The following RAB3C variants were observed in gnomAD, a reference collection of about 807,000 sequenced individuals.
The protein encoded by RAB3C is ras-related protein Rab-3C.
Under a neutral mutation model 26.4 loss-of-function variants are expected in RAB3C, and 17 were observed. That is an observed-to-expected ratio of 0.64 (90% CI 0.44 to 0.97). The LOEUF (loss-of-function observed/expected upper bound fraction) is 0.97. Among genes scored for constraint, RAB3C ranks in the 50% least tolerant of loss-of-function variants. The pLI is 0.00. For missense variants in RAB3C, 242 were observed against 281.9 expected (o/e 0.86, Z 1.01); for synonymous variants, 91 against 95.9 (o/e 0.95, Z 0.30).
intron 2 of RAB3C, among the ~76,000 whole-genome samples, chr5:58,683,248 T>C (rs568059920): frequency 1.3e-5 from 2 of 152,374 alleles, no homozygotes; most frequent in African/African-American, 4.8e-5. Context: ...TTTATAAGTT[T>C]TAAAGCTTGA....
intron 1 of RAB3C, among the ~76,000 whole-genome samples, chr5:58,596,737 TAAATATATAATACATA>T: frequency 1.2e-5 from 1 of 82,986 alleles, no homozygotes; most frequent in African/African-American, 5.5e-5. Flanking sequence ...ACATAATATA[TAAATATATAATACATA>T]ATATATAAAT....
chr5:58,777,068 T>A (rs907444917), intron 3 of RAB3C, among the ~76,000 whole-genome samples: 1 of 152,200 alleles, frequency 6.6e-6, no homozygotes, highest in African/African-American at 2.4e-5. Context: ...AATAGAAACC[T>A]GAGGATAACC....
At chr5:58,633,110 T>A (rs1747219503) in intron 2 of RAB3C, among the ~76,000 whole-genome samples, 1 of 152,198 alleles carries the variant, frequency 6.6e-6, no homozygotes, top group Non-Finnish European at 1.5e-5. Flanking sequence ...AAGGAAGGCA[T>A]ATGGAAAATT....
chr5:58,603,340 T>G (rs1199892240), intron 1 of RAB3C, among the ~76,000 whole-genome samples: 1 of 152,218 alleles, frequency 6.6e-6, no homozygotes, highest in Admixed American at 6.5e-5. Flanking sequence ...CTTGCGCTTC[T>G]TGTATTTGAA....
intron 3 of RAB3C, among the ~76,000 whole-genome samples, chr5:58,793,188 A>G (rs1240780703): frequency 2.0e-5 from 3 of 152,164 alleles, no homozygotes; most frequent in African/African-American, 7.2e-5. Context: ...TGAACTGTAC[A>G]GCCTGTGGAT....
At chr5:58,779,667 C>T (rs923867890) in intron 3 of RAB3C, among the ~76,000 whole-genome samples, 2 of 152,168 alleles carry the variant, frequency 1.3e-5, no homozygotes, top group East Asian at 1.9e-4. Flanking sequence ...GGATTACAGA[C>T]ATGAACCACT....
chr5:58,783,157 G>C (rs1742306971), intron 3 of RAB3C, among the ~76,000 whole-genome samples: 1 of 151,986 alleles, frequency 6.6e-6, no homozygotes, highest in Non-Finnish European at 1.5e-5. Context: ...AATTTAGTGA[G>C]AGCTCAACCC....
chr5:58,797,339 CAAAA>C lies in RAB3C; in HGVS notation c.372-27687_372-27684del, dbSNP rs1206716376. ...CAAGGATATCAGACTCCCTGGAAGA[CAAAA>C]AAAAAAAAAAATATGTATATATATA... On this transcript the variant is annotated intron_variant, in intron 3 of 4. Coordinates refer to ENST00000282878, the MANE Select transcript of RAB3C (RefSeq NM_138453.4). Among the ~76,000 whole-genome samples the C allele has an allele frequency of 2.4e-3, 30 of 12,758 alleles. 1 individual carries two copies. The South Asian group carries it at 0.091, about 39-fold the overall frequency. 8.4% of individuals were successfully genotyped at this position (12,758 alleles called of 152,430 possible). A position where few individuals can be genotyped will look rare whatever the true frequency, so the allele number is the denominator to read the frequency against.
At chr5:58,652,527 A>G (rs1247703757) in intron 2 of RAB3C, among the ~76,000 whole-genome samples, 2 of 151,980 alleles carry the variant, frequency 1.3e-5, no homozygotes, top group Admixed American at 6.6e-5. Flanking sequence ...AAGTATTATT[A>G]TATCTAAGCT....
chr5:58,626,391 A>T (rs1314261173), intron 2 of RAB3C, among the ~76,000 whole-genome samples: 1 of 152,184 alleles, frequency 6.6e-6, no homozygotes, highest in South Asian at 2.1e-4. Context: ...TCATAAATTT[A>T]CCAACCAAAA....
intron 1 of RAB3C, 100 bp from the exon 2 acceptor site, chr5:58,617,542 GT>G: frequency 1.0e-6 from 1 of 964,858 alleles, no homozygotes; most frequent in South Asian, 1.3e-5. Flanking sequence ...TCTGACATCT[GT>G]TTCTGGCAAG....
intron 2 of RAB3C, among the ~76,000 whole-genome samples, chr5:58,672,513 A>G (rs1459831025): frequency 6.6e-6 from 1 of 152,176 alleles, no homozygotes; most frequent in Non-Finnish European, 1.5e-5. Context: ...CAGCATTCCC[A>G]TCTTCAGTCT....
chr5:58,597,820 TACG>T lies in RAB3C; in HGVS notation c.24+14590_24+14592del, dbSNP rs1259240249. Among the ~76,000 whole-genome samples the T allele has an allele frequency of 2.3e-3, 171 of 73,474 alleles. 44 individuals are homozygous for T. Among genetic ancestry groups the T allele is most frequent in the African/African-American group, 6.4e-3 (110 of 17,088 alleles). 48.2% of individuals were successfully genotyped at this position (73,474 alleles called of 152,430 possible). A position where few individuals can be genotyped will look rare whatever the true frequency, so the allele number is the denominator to read the frequency against. ...ACATGTAATACATTATATATAAGTATACGATAACATGTAATACATTATATATAA... is the reference window on the plus strand; with the variant it reads ...ACATGTAATACATTATATATAAGTATATAACATGTAATACATTATATATAA... On this transcript the variant is annotated intron_variant, in intron 1 of 4. Coordinates refer to ENST00000282878, the MANE Select transcript of RAB3C (RefSeq NM_138453.4).
intron 3 of RAB3C, among the ~76,000 whole-genome samples, chr5:58,796,533 C>A (rs764805086): frequency 2.6e-4 from 40 of 152,112 alleles, no homozygotes; most frequent in Non-Finnish European, 2.9e-5. Context: ...CAGAAGCCAT[C>A]CCACATGAGT....
chr5:58,653,141 C>A (rs2545787), intron 2 of RAB3C, among the ~76,000 whole-genome samples: 19,742 of 151,792 alleles, frequency 0.13, 1,627 homozygotes, highest in Middle Eastern at 0.23. Flanking sequence ...CACCCTCTGA[C>A]AGGCCCCAGT....
Position 58,617,727 on chromosome 5 carries a change from G to A in RAB3C, c.109G>A (p.Gly37Ser), listed in dbSNP as rs747749267. 3.1e-6 allele frequency: 5 copies of A among 1,613,882 alleles called. No homozygotes were observed. The highest frequency in any genetic ancestry group is 4.2e-6 in the Non-Finnish European group (5 of 1,179,866). Residue 37 changes from glycine to serine, a missense_variant, in exon 2 of 5, where the codon GGC becomes AGC. Transcript: ENST00000282878. ...CTACATGTTCAAATTACTCATCATC[G>A]GCAATAGCAGTGTGGGGAAAACATC... ...FDYMFKLLII[G>S]NSSVGKTSFL... is the part of the protein sequence containing the mutation.
chr5:58,678,547 T>G (rs938479050), intron 2 of RAB3C, among the ~76,000 whole-genome samples: 9 of 152,180 alleles, frequency 5.9e-5, no homozygotes, highest in Non-Finnish European at 1.2e-4. Flanking sequence ...CAAAACACTA[T>G]ATATTGTTTA....
upstream of RAB3C, chr5:58,582,498 CTATG>C (rs1286409082): frequency 6.3e-6 from 5 of 787,462 alleles, no homozygotes; most frequent in South Asian, 1.7e-4. Context: ...GTGTGTGTGA[CTATG>C]TACGCGCGCG....
intron 3 of RAB3C, among the ~76,000 whole-genome samples, chr5:58,807,160 T>G (rs1470128412): frequency 6.6e-6 from 1 of 152,184 alleles, no homozygotes; most frequent in Non-Finnish European, 1.5e-5. Context: ...ACTTGCTGCT[T>G]CTTGCTTTTC....
Sources: allele counts gnomAD v4.1 joint callset (sites outside exome capture counted in the v4.1 genomes callset), GRCh38; gene constraint gnomAD v4.1.1; transcripts MANE v1.5; gene names NCBI Gene and HGNC (gene_info 2026-07-23, HGNC 2026-07-21).